The following TRAPPC8 variants were observed in gnomAD, a reference collection of about 807,000 sequenced individuals.
TRAPPC8 encodes general sporulation gene 1 homolog.
A neutral mutation model predicts 174.3 loss-of-function variants in TRAPPC8; 54 were observed. The observed-to-expected ratio is 0.31, with a 90% CI of 0.25 to 0.39. The LOEUF is 0.39. Among genes scored for constraint, TRAPPC8 ranks in the 10% least tolerant of loss-of-function variants. The pLI is 1.00. For synonymous variants in TRAPPC8, 630 were observed against 579.9 expected, an observed-to-expected ratio of 1.09 and a Z score of -1.24; for missense variants, 1,531 against 1,699.1, an observed-to-expected ratio of 0.90 and a Z score of 1.74.
intron 11 of TRAPPC8, among the ~76,000 whole-genome samples, chr18:31,892,900 C>A (rs1260045334): frequency 6.6e-6 from 1 of 151,890 alleles, no homozygotes; most frequent in African/African-American, 2.4e-5. Flanking sequence ...GTCTGTGGTC[C>A]TAGCTACTTG....
At chr18:31,890,891 A>T (rs778200931) in intron 11 of TRAPPC8, 25 bp from the exon 12 acceptor site, 1 of 1,578,044 alleles carries the variant, frequency 6.3e-7, no homozygotes, top group East Asian at 2.3e-5. Flanking sequence ...AAAGAGAAAA[A>T]GGTTAGTTTC....
chr18:31,903,084 C>T (rs1179628368), intron 9 of TRAPPC8, among the ~76,000 whole-genome samples: 1 of 145,982 alleles, frequency 6.9e-6, no homozygotes, highest in Non-Finnish European at 1.5e-5. Flanking sequence ...TACTCCTCTC[C>T]AGTGTCCTGC....
chr18:31,942,197 A>G (rs2038374484), intron 1 of TRAPPC8, among the ~76,000 whole-genome samples: 1 of 152,196 alleles, frequency 6.6e-6, no homozygotes, highest in South Asian at 2.1e-4. Context: ...TTTAACATCC[A>G]AGGGAGGATG....
chr18:31,917,799 G>A (rs912282270), intron 2 of TRAPPC8, 132 bp from the exon 3 acceptor site: 14 of 726,098 alleles, frequency 1.9e-5, no homozygotes, highest in Non-Finnish European at 3.2e-5. Flanking sequence ...TTTTTCACCT[G>A]TGCTTTCAGA....
chr18:31,877,192 G>A (rs1206471775), intron 12 of TRAPPC8, among the ~76,000 whole-genome samples: 1 of 152,170 alleles, frequency 6.6e-6, no homozygotes, highest in Non-Finnish European at 1.5e-5. Flanking sequence ...AACATGAAGA[G>A]GGGATCATTT....
chr18:31,853,934 G>A lies in TRAPPC8; in HGVS notation c.3348C>T (p.Gly1116=), dbSNP rs781296517. Residue 1116 remains glycine (G), a synonymous_variant, in exon 22 of 29, where the codon GGC becomes GGT. Transcript: ENST00000283351. The part of the protein sequence containing the change: ...DVENTNTSEA[G]VKEFHIVQVS... ...CTTGCACTATGTGGAATTCCTTAACGCCTGCTTCACTCTGTCAAAAAAAAA... is the reference window on the plus strand; with the variant it reads ...CTTGCACTATGTGGAATTCCTTAACACCTGCTTCACTCTGTCAAAAAAAAA... 8.1e-6 allele frequency: 13 copies of A among 1,607,940 alleles called. No homozygotes were observed. In the South Asian group the frequency reaches 1.0e-4, roughly 12 times the overall value.
intron 2 of TRAPPC8, among the ~76,000 whole-genome samples, chr18:31,929,844 A>T (rs2037776310): frequency 6.6e-6 from 1 of 152,194 alleles, no homozygotes; most frequent in Non-Finnish European, 1.5e-5. Flanking sequence ...TTTCTCCAAG[A>T]AATACCCAAA....
At chr18:31,899,620 A>G (rs2036327827) in intron 10 of TRAPPC8, among the ~76,000 whole-genome samples, 1 of 152,196 alleles carries the variant, frequency 6.6e-6, no homozygotes, top group Non-Finnish European at 1.5e-5. Context: ...TTTTCCATTT[A>G]CTACTACGTA....
intron 2 of TRAPPC8, among the ~76,000 whole-genome samples, chr18:31,926,157 A>T (rs560200463): frequency 2.2e-4 from 34 of 152,212 alleles, no homozygotes; most frequent in African/African-American, 7.9e-4. Context: ...TTTTCTAATC[A>T]ATCCTTTCCC....
intron 11 of TRAPPC8, among the ~76,000 whole-genome samples, chr18:31,897,446 AAAAAT>A (rs2036230293): frequency 6.6e-6 from 1 of 152,338 alleles, no homozygotes; most frequent in Admixed American, 6.5e-5. Flanking sequence ...ATGAGTAACA[AAAAAT>A]AAAATATCAT....
At chr18:31,936,691 C>G (rs994642997) in intron 1 of TRAPPC8, among the ~76,000 whole-genome samples, 1 of 147,880 alleles carries the variant, frequency 6.8e-6, no homozygotes, top group African/African-American at 2.5e-5. Flanking sequence ...CACTTGAGGT[C>G]GGGAGTTCGA....
At position 31,909,399 on chromosome 18, in the gene TRAPPC8, A is replaced by C. The variant is rs200076370; in HGVS notation, c.865+268T>G. Reference sequence around the variant, plus strand: ...GCTCTCAAAATCATGTAAATTTTTAAATAATTAATGCTGTGCATCACATCT... The same window carrying C: ...GCTCTCAAAATCATGTAAATTTTTACATAATTAATGCTGTGCATCACATCT... On this transcript the variant is annotated intron_variant, in intron 6 of 28. Coordinates refer to ENST00000283351, the MANE Select transcript of TRAPPC8 (RefSeq NM_014939.5). 45 of 233,398 alleles carry C rather than the reference A, an allele frequency of 1.9e-4. No individual in the cohort carries two copies. The East Asian group carries it at 7.9e-3, about 41-fold the overall frequency. 14.5% of individuals were successfully genotyped at this position (233,398 alleles called of 1,614,324 possible). A position where few individuals can be genotyped will look rare whatever the true frequency, so the allele number is the denominator to read the frequency against.
At chr18:31,891,102 CAT>C (rs1039317104) in intron 11 of TRAPPC8, 12 of 249,966 alleles carry the variant, frequency 4.8e-5, no homozygotes, top group African/African-American at 1.1e-4. Context: ...ATAAAAGCCA[CAT>C]GTCTGGTTAT....
At chr18:31,872,136 G>A (rs1331191111) in intron 14 of TRAPPC8, among the ~76,000 whole-genome samples, 1 of 151,952 alleles carries the variant, frequency 6.6e-6, no homozygotes, top group Non-Finnish European at 1.5e-5. Flanking sequence ...ACCCTCCCAA[G>A]TCTCAATGTC....
intron 2 of TRAPPC8, among the ~76,000 whole-genome samples, chr18:31,926,905 T>A (rs1321585274): frequency 6.6e-6 from 1 of 152,124 alleles, no homozygotes; most frequent in East Asian, 1.9e-4. Flanking sequence ...TCCTTATCAA[T>A]GATAATGAGA....
At chr18:31,853,771 A>T in intron 22 of TRAPPC8, 78 bp downstream of exon 22, 1 of 1,045,214 alleles carries the variant, frequency 9.6e-7, no homozygotes, top group Non-Finnish European at 1.4e-6. Context: ...TAATAATCTT[A>T]AGACATTCTG....
chr18:31,927,970 C>G (rs2037689130), intron 2 of TRAPPC8, among the ~76,000 whole-genome samples: 1 of 151,658 alleles, frequency 6.6e-6, no homozygotes. Flanking sequence ...ACGTGGCCAA[C>G]ATGGTGAAAC....
At chr18:31,935,548 T>TGGAAAAAAAAAA (rs745488703) in intron 1 of TRAPPC8, among the ~76,000 whole-genome samples, 2 of 46,286 alleles carry the variant, frequency 4.3e-5, no homozygotes, top group African/African-American at 2.2e-4. Context: ...AACTCCATCT[T>TGGAAAAAAAAAA]AAAAAAAAAA....
intron 1 of TRAPPC8, among the ~76,000 whole-genome samples, chr18:31,937,986 G>A (rs2038176931): frequency 6.6e-6 from 1 of 152,124 alleles, no homozygotes; most frequent in South Asian, 2.1e-4. Flanking sequence ...ACAGGCCTAA[G>A]ACACTGCACC....
Sources: gnomAD v4.1 joint callset for allele counts (sites outside exome capture counted in the v4.1 genomes callset) on GRCh38, gnomAD v4.1.1 for gene constraint, MANE v1.5 for transcripts, NCBI Gene and HGNC (gene_info 2026-07-23, HGNC 2026-07-21) for gene names.